The following UBE2QL1 variants were observed in gnomAD, a reference collection of about 807,000 sequenced individuals.
UBE2QL1 encodes the protein ubiquitin-conjugating enzyme E2Q-like protein 1.
UBE2QL1 carries 5 observed loss-of-function variants against 12.6 expected under a neutral mutation model. The observed-to-expected ratio is 0.40, with a 90% CI of 0.21 to 0.83. UBE2QL1 has a LOEUF of 0.83. Among genes scored for constraint, UBE2QL1 ranks in the 40% least tolerant of loss-of-function variants. UBE2QL1 has a pLI of 0.37. For missense variants in UBE2QL1, 99 were observed against 222.6 expected (o/e 0.44, Z 3.53); for synonymous variants, 96 against 94.5 (o/e 1.02, Z -0.10).
chr5:6,471,239 T>C (rs1739907372), intron 1 of UBE2QL1, among the ~76,000 whole-genome samples: 1 of 152,216 alleles, frequency 6.6e-6, no homozygotes. Context: ...TCCTGCAGCA[T>C]AGCCCATTAT....
At chr5:6,453,960 A>T (rs1229492139) in intron 1 of UBE2QL1, among the ~76,000 whole-genome samples, 1 of 152,104 alleles carries the variant, frequency 6.6e-6, no homozygotes, top group Non-Finnish European at 1.5e-5. Context: ...TGTTCACTGT[A>T]ATCTTTAATT....
chr5:6,450,020 C>A (rs1443622819), intron 1 of UBE2QL1, among the ~76,000 whole-genome samples: 2 of 151,880 alleles, frequency 1.3e-5, no homozygotes, highest in East Asian at 3.9e-4. Flanking sequence ...GGAAATTTTG[C>A]TCTTGGGAAC....
At chr5:6,471,612 C>G (rs1739913951) in intron 1 of UBE2QL1, among the ~76,000 whole-genome samples, 1 of 152,168 alleles carries the variant, frequency 6.6e-6, no homozygotes, top group Non-Finnish European at 1.5e-5. Flanking sequence ...TTGTGGCTTA[C>G]TCTCAGAAGT....
intron 1 of UBE2QL1, among the ~76,000 whole-genome samples, chr5:6,485,036 A>G (rs1231226486): frequency 6.6e-6 from 1 of 152,102 alleles, no homozygotes; most frequent in East Asian, 1.9e-4. Context: ...ATGTGCACAC[A>G]TGGACACACA....
intron 1 of UBE2QL1, among the ~76,000 whole-genome samples, chr5:6,483,223 G>A (rs1391205828): frequency 1.3e-5 from 2 of 152,100 alleles, no homozygotes; most frequent in Non-Finnish European, 2.9e-5. Flanking sequence ...ATCACTCAAG[G>A]TCAGGAGTTC....
At chr5:6,473,268 C>T (rs1173753111) in intron 1 of UBE2QL1, among the ~76,000 whole-genome samples, 1 of 151,730 alleles carries the variant, frequency 6.6e-6, no homozygotes, top group Non-Finnish European at 1.5e-5. Context: ...AGTGAACTCT[C>T]ATTTCCACAC....
Position 6,491,464 on chromosome 5 carries a change from C to G in UBE2QL1, c.*115C>G, listed in dbSNP as rs997952061. On this transcript the variant is annotated 3_prime_UTR_variant, in exon 2 of 2. Transcript: ENST00000399816. ...TTTTTACTCCAGCCAGAACTGCATCCTGAATGCCCAGGAGACGTTTAAGTT... is the reference window on the plus strand; with the variant it reads ...TTTTTACTCCAGCCAGAACTGCATCGTGAATGCCCAGGAGACGTTTAAGTT... 3.9e-5 allele frequency: 52 copies of G among 1,346,928 alleles called. No individual in the cohort carries two copies. Among genetic ancestry groups the G allele is most frequent in the Non-Finnish European group, 5.0e-5 (51 of 1,021,530 alleles). The allele number at this position is 1,346,928 out of a possible 1,614,324, so 83.4% of individuals were successfully genotyped here. A position where few individuals can be genotyped will look rare whatever the true frequency, so the allele number is the denominator to read the frequency against.
intron 1 of UBE2QL1, among the ~76,000 whole-genome samples, chr5:6,483,061 G>A (rs543532082): frequency 1.3e-5 from 2 of 152,340 alleles, no homozygotes; most frequent in Admixed American, 1.3e-4. Flanking sequence ...GCTCTTGTCA[G>A]CACCCAAAGA....
Position 6,476,509 on chromosome 5 carries a change from A to G in UBE2QL1, c.355-14709A>G, listed in dbSNP as rs989649098. 1.4e-4 allele frequency among the ~76,000 whole-genome samples: 21 copies of G among 152,142 alleles called. No homozygotes were observed. The highest frequency in any genetic ancestry group is 4.3e-4 in the African/African-American group (18 of 41,444). ...TGCCAGGGCTGTGCTGTCCTGACTCAATGAGACAATGACCTCAAAACGGAA... is the reference window on the plus strand; with the variant it reads ...TGCCAGGGCTGTGCTGTCCTGACTCGATGAGACAATGACCTCAAAACGGAA... On this transcript the variant is annotated intron_variant, in intron 1 of 1. Transcript: ENST00000399816. The surrounding 1 kb of genome is among the most constrained non-coding windows in gnomAD (Gnocchi z 4.9).
intron 1 of UBE2QL1, among the ~76,000 whole-genome samples, chr5:6,477,496 G>A (rs978397206): frequency 6.6e-6 from 1 of 152,166 alleles, no homozygotes; most frequent in African/African-American, 2.4e-5. Flanking sequence ...CAAAACCCAA[G>A]GCTGGACCTG....
intron 1 of UBE2QL1, among the ~76,000 whole-genome samples, chr5:6,473,761 T>C (rs537916589): frequency 6.6e-6 from 1 of 152,326 alleles, no homozygotes; most frequent in Non-Finnish European, 1.5e-5. Flanking sequence ...GCTTCAAATA[T>C]GGAGATTGAA....
Position 6,491,447 on chromosome 5 carries a change from C to G in UBE2QL1, c.*98C>G. ...TGTGCATCCTCCACCCGTTTTTACT[C>G]CAGCCAGAACTGCATCCTGAATGCC... On this transcript the variant is annotated 3_prime_UTR_variant, in exon 2 of 2. Transcript: ENST00000399816. 6 of 1,402,906 alleles carry G rather than the reference C, an allele frequency of 4.3e-6. No homozygotes were observed. The highest frequency in any genetic ancestry group is 5.6e-6 in the Non-Finnish European group (6 of 1,067,674). The allele number at this position is 1,402,906 out of a possible 1,614,324, so 86.9% of individuals were successfully genotyped here.
intron 1 of UBE2QL1, among the ~76,000 whole-genome samples, chr5:6,457,632 G>A (rs1464385256): frequency 6.6e-6 from 1 of 152,196 alleles, no homozygotes; most frequent in African/African-American, 2.4e-5. Flanking sequence ...TTAAATCCTT[G>A]TAGCAGCCTA....
At chr5:6,454,511 A>C (rs1375433942) in intron 1 of UBE2QL1, among the ~76,000 whole-genome samples, 1 of 152,140 alleles carries the variant, frequency 6.6e-6, no homozygotes, top group South Asian at 2.1e-4. Context: ...TTCACCATGT[A>C]CCTTGGTGAA....
intron 1 of UBE2QL1, among the ~76,000 whole-genome samples, chr5:6,485,053 C>T (rs1734437191): frequency 6.6e-6 from 1 of 152,088 alleles, no homozygotes; most frequent in South Asian, 2.1e-4. Context: ...CACATGCTCA[C>T]ATGTGACACG....
chr5:6,469,650 T>A (rs188855911), intron 1 of UBE2QL1, among the ~76,000 whole-genome samples: 78 of 151,666 alleles, frequency 5.1e-4, no homozygotes, highest in African/African-American at 1.9e-3. Flanking sequence ...TATATAAATT[T>A]TTTTATTCAA....
At chr5:6,467,679 T>G (rs979208553) in intron 1 of UBE2QL1, among the ~76,000 whole-genome samples, 1 of 152,042 alleles carries the variant, frequency 6.6e-6, no homozygotes, top group Non-Finnish European at 1.5e-5. Flanking sequence ...TTCATTTGTC[T>G]TCTTTCCTGC....
chr5:6,474,211 G>GGCT (rs1392746274), intron 1 of UBE2QL1, among the ~76,000 whole-genome samples: 1 of 152,220 alleles, frequency 6.6e-6, no homozygotes, highest in Admixed American at 6.5e-5. Context: ...ACAGCCTGAG[G>GGCT]GCTGGTACAC....
At chr5:6,474,985 T>C (rs183436247) in intron 1 of UBE2QL1, among the ~76,000 whole-genome samples, 1 of 152,332 alleles carries the variant, frequency 6.6e-6, no homozygotes, top group Non-Finnish European at 1.5e-5. Context: ...TGACTGAGCA[T>C]GTGTGTGCAT....
Sources: allele counts gnomAD v4.1 joint callset (sites outside exome capture counted in the v4.1 genomes callset), GRCh38; gene constraint gnomAD v4.1.1; non-coding constraint Gnocchi (gnomAD v3.1); transcripts MANE v1.5; gene names NCBI Gene and HGNC (gene_info 2026-07-23, HGNC 2026-07-21).